Variants in TANK observed in about 807,000 individuals in gnomAD.
The protein encoded by TANK is TRAF family member associated NFKB activator, also known as TRAF family member-associated NF-kappa-B activator.
Under a neutral mutation model 43.6 loss-of-function variants are expected in TANK, and 15 were observed. That is an observed-to-expected ratio of 0.34 (90% CI 0.23 to 0.53). The LOEUF is 0.53. TANK is among the 20% of genes least tolerant of loss of function. TANK has a pLI of 0.94. For missense variants in TANK, 417 were observed against 498.6 expected, an observed-to-expected ratio of 0.84 and a Z score of 1.56; for synonymous variants, 162 against 178.2, an observed-to-expected ratio of 0.91 and a Z score of 0.73.
chr2:161,160,572 G>A, intron 1 of TANK, 86 bp downstream of exon 1: 1 of 1,088,722 alleles, frequency 9.2e-7, no homozygotes, highest in Non-Finnish European at 1.2e-6. Flanking sequence ...AGAGGGACGC[G>A]CTGACAGTAG....
chr2:161,192,620 C>T (rs1685967807), intron 2 of TANK, among the ~76,000 whole-genome samples: 1 of 152,060 alleles, frequency 6.6e-6, no homozygotes, highest in Non-Finnish European at 1.5e-5. Context: ...TACTAAAATA[C>T]CAGACAATTT....
At chr2:161,196,384 T>C (rs1390244737) in intron 2 of TANK, among the ~76,000 whole-genome samples, 1 of 152,060 alleles carries the variant, frequency 6.6e-6, no homozygotes, top group Non-Finnish European at 1.5e-5. Flanking sequence ...GCTACTGGCA[T>C]GGATGAGATT....
At chr2:161,202,717 T>A (rs1187243113) in intron 2 of TANK, 1 of 236,170 alleles carries the variant, frequency 4.2e-6, no homozygotes, top group East Asian at 1.5e-4. Flanking sequence ...AAAAAAAGAG[T>A]TCTCTGCTAT....
intron 2 of TANK, among the ~76,000 whole-genome samples, chr2:161,185,157 ACTACT>A (rs565981740): frequency 4.9e-4 from 75 of 152,254 alleles, no homozygotes; most frequent in South Asian, 1.0e-3. Flanking sequence ...ACTAATAAAA[ACTACT>A]CTACAAGGTA....
intron 7 of TANK, chr2:161,232,836 G>A: frequency 1.3e-6 from 2 of 1,550,356 alleles, no homozygotes; most frequent in Non-Finnish European, 1.7e-6. Flanking sequence ...TGATGGAAAA[G>A]TATTCAGCTT....
At chr2:161,211,147 G>A (rs1686869934) in intron 4 of TANK, among the ~76,000 whole-genome samples, 2 of 152,134 alleles carry the variant, frequency 1.3e-5, no homozygotes, top group South Asian at 4.2e-4. Flanking sequence ...TTTACGCATG[G>A]TCTGCTTCTT....
chr2:161,161,946 T>G (rs1684458490), intron 1 of TANK: 1 of 152,246 alleles, frequency 6.6e-6, no homozygotes, highest in Non-Finnish European at 1.5e-5. Context: ...CTTAAAATCT[T>G]CTCCTATATT....
At chr2:161,172,374 T>TTTTTTTTG (rs368206022) in intron 1 of TANK, among the ~76,000 whole-genome samples, 1 of 131,236 alleles carries the variant, frequency 7.6e-6, no homozygotes. Flanking sequence ...TTTTTTTTTT[T>TTTTTTTTG]GGGGGTAAAA....
intron 2 of TANK, among the ~76,000 whole-genome samples, chr2:161,194,148 G>A (rs1183367882): frequency 6.6e-6 from 1 of 152,030 alleles, no homozygotes; most frequent in Non-Finnish European, 1.5e-5. Context: ...ATCTGAAACT[G>A]TTAAAACTGA....
intron 1 of TANK, among the ~76,000 whole-genome samples, chr2:161,142,333 C>T (rs1683773628): frequency 6.6e-6 from 1 of 152,114 alleles, no homozygotes; most frequent in Non-Finnish European, 1.5e-5. Flanking sequence ...TTAATTAGAT[C>T]TGATTTGTCA....
chr2:161,182,365 C>G (rs1424199534), intron 2 of TANK, among the ~76,000 whole-genome samples: 1 of 152,128 alleles, frequency 6.6e-6, no homozygotes, highest in African/African-American at 2.4e-5. Flanking sequence ...TCCCAGCCTC[C>G]AGAACTTCTA....
chr2:161,152,029 A>G (rs956412725), intron 1 of TANK, among the ~76,000 whole-genome samples: 2 of 152,168 alleles, frequency 1.3e-5, no homozygotes, highest in Non-Finnish European at 2.9e-5. Flanking sequence ...ATACCAACTT[A>G]GTTTCAGTAA....
chr2:161,137,291 A>C (rs1683614364), intron 1 of TANK: 1 of 966,982 alleles, frequency 1.0e-6, no homozygotes, highest in African/African-American at 1.8e-5. Flanking sequence ...TGGGAGGCCA[A>C]GGTAAGAGGA....
upstream of TANK, among the ~76,000 whole-genome samples, chr2:161,157,044 G>C (rs1486407863): frequency 6.6e-6 from 1 of 151,982 alleles, no homozygotes; most frequent in Non-Finnish European, 1.5e-5. Context: ...GGGTCATAGA[G>C]TGGAGAAACT....
At chr2:161,157,025 C>T (rs1188309975), upstream of TANK, among the ~76,000 whole-genome samples, 1 of 152,140 alleles carries the variant, frequency 6.6e-6, no homozygotes, top group East Asian at 1.9e-4. Context: ...TAGGCCGTAG[C>T]TCCAAAATGG....
rs1041441285 is a variant in TANK at position 161,220,362 on chromosome 2, G to A, written c.328-3553G>A. On this transcript the variant is annotated intron_variant, in intron 4 of 7. Coordinates refer to ENST00000392749, the MANE Select transcript of TANK (RefSeq NM_001199135.3). ...TCACGCCTGTAATCCCAGCACTTTCGGAGGCCGAGGTGGGCAGATTGCCTG... is the reference window on the plus strand; with the variant it reads ...TCACGCCTGTAATCCCAGCACTTTCAGAGGCCGAGGTGGGCAGATTGCCTG... 4.6e-5 allele frequency among the ~76,000 whole-genome samples: 7 copies of A among 152,130 alleles called. No homozygotes were observed. In the South Asian group the frequency reaches 6.2e-4, roughly 14 times the overall value.
At chr2:161,141,652 G>A (rs1381113645) in intron 1 of TANK, among the ~76,000 whole-genome samples, 2 of 152,268 alleles carry the variant, frequency 1.3e-5, no homozygotes, top group Admixed American at 6.5e-5. Context: ...ACACTGCAAA[G>A]GACATGATCT....
At chr2:161,210,851 T>C (rs1415241549) in intron 4 of TANK, among the ~76,000 whole-genome samples, 2 of 152,150 alleles carry the variant, frequency 1.3e-5, no homozygotes, top group Non-Finnish European at 2.9e-5. Flanking sequence ...GAAGACAAGT[T>C]CTTACTTGCC....
Position 161,235,380 on chromosome 2 carries a change from G to A in TANK, c.1140G>A (p.Ser380=), listed in dbSNP as rs368794946. ...WKPFPNQDSD[S]VVLSGTDSEL... is the part of the protein sequence containing the mutation. ...CCTTTCCTAATCAAGACAGTGACTC[G>A]GTGGTACTAAGTGGCACAGACTCAG... Residue 380 remains serine (S), a synonymous_variant, in exon 8 of 8, where the codon TCG becomes TCA. Transcript: ENST00000392749. The A allele has an allele frequency of 6.2e-6, 10 of 1,610,722 alleles. No individual in the cohort carries two copies. In the East Asian group the frequency reaches 9.0e-5, roughly 14 times the overall value.
Sources: allele counts gnomAD v4.1 joint callset (sites outside exome capture counted in the v4.1 genomes callset), GRCh38; gene constraint gnomAD v4.1.1; transcripts MANE v1.5; gene names NCBI Gene and HGNC (gene_info 2026-07-23, HGNC 2026-07-21).